Variants in B3GNT5 observed in about 807,000 individuals in gnomAD.
B3GNT5 encodes UDP-GlcNAc:betaGal beta-1,3-N-acetylglucosaminyltransferase 5, also known as lactosylceramide 1,3-N-acetyl-beta-D-glucosaminyltransferase.
B3GNT5 carries 11 observed loss-of-function variants against 25.9 expected under a neutral mutation model. The observed-to-expected ratio is 0.42, with a 90% CI of 0.27 to 0.70. B3GNT5 has a LOEUF of 0.70. B3GNT5 is among the 30% of genes least tolerant of loss of function. The pLI, the probability that B3GNT5 is intolerant of heterozygous loss-of-function variation, is 0.23. For synonymous variants in B3GNT5, 166 were observed against 158.6 expected, an observed-to-expected ratio of 1.05 and a Z score of -0.35; for missense variants, 385 against 458.4, an observed-to-expected ratio of 0.84 and a Z score of 1.46.
At chr3:183,261,228 G>A (rs1404497494) in intron 1 of B3GNT5, among the ~76,000 whole-genome samples, 1 of 152,120 alleles carries the variant, frequency 6.6e-6, no homozygotes, top group Non-Finnish European at 1.5e-5. Context: ...AGCTTTTCCA[G>A]TAAATCTGGG....
chr3:183,272,759 T>C lies in B3GNT5; in HGVS notation c.*1824T>C, dbSNP rs974801058. ...TAATTTTTATTAGTTGATTGATTAATGATGTATTGCCTTTTGCCCATATAT... is the reference window on the plus strand; with the variant it reads ...TAATTTTTATTAGTTGATTGATTAACGATGTATTGCCTTTTGCCCATATAT... On this transcript the variant is annotated 3_prime_UTR_variant, in exon 2 of 2. Transcript: ENST00000326505. The C allele has an allele frequency of 1.8e-5, 19 of 1,081,630 alleles. No individual in the cohort carries two copies. In the African/African-American group the frequency reaches 3.0e-4, roughly 17 times the overall value. The allele number at this position is 1,081,630 out of a possible 1,614,324, so 67.0% of individuals were successfully genotyped here. A position where few individuals can be genotyped will look rare whatever the true frequency, so the allele number is the denominator to read the frequency against.
chr3:183,272,850 C>A lies in B3GNT5; in HGVS notation c.*1915C>A, dbSNP rs1726901585. 1 of 1,252,696 alleles carries A rather than the reference C, an allele frequency of 8.0e-7. No homozygotes were observed. Among genetic ancestry groups the A allele is most frequent in the African/African-American group, 1.6e-5 (1 of 63,796 alleles). 77.6% of individuals were successfully genotyped at this position (1,252,696 alleles called of 1,614,324 possible). A position where few individuals can be genotyped will look rare whatever the true frequency, so the allele number is the denominator to read the frequency against. ...TGGTTGAAAACATAAGTGTCTCTGG[C>A]CATCAAAGTGATCTTGTTTACAGCA... On this transcript the variant is annotated 3_prime_UTR_variant, in exon 2 of 2. Coordinates refer to ENST00000326505, the MANE Select transcript of B3GNT5 (RefSeq NM_032047.5).
chr3:183,262,741 G>A (rs1045834898), intron 1 of B3GNT5, among the ~76,000 whole-genome samples: 1 of 151,626 alleles, frequency 6.6e-6, no homozygotes, highest in African/African-American at 2.4e-5. Context: ...GCCTGGGAGG[G>A]GGAGATTTAG....
intron 1 of B3GNT5, among the ~76,000 whole-genome samples, chr3:183,262,071 A>T (rs1725647315): frequency 6.7e-6 from 1 of 148,240 alleles, no homozygotes; most frequent in Non-Finnish European, 1.5e-5. Flanking sequence ...CATATATATT[A>T]TATATATATA....
intron 1 of B3GNT5, among the ~76,000 whole-genome samples, chr3:183,260,640 AT>A (rs1348748791): frequency 2.0e-5 from 3 of 152,104 alleles, no homozygotes; most frequent in African/African-American, 7.2e-5. Flanking sequence ...GTCTTTACCC[AT>A]TTGTTCATTT....
chr3:183,270,908 A>G lies in B3GNT5; in HGVS notation c.1110A>G (p.Thr370=), dbSNP rs773450048. 6.2e-7 allele frequency: 1 copy of G among 1,601,016 alleles called. No homozygotes were observed. The highest frequency in any genetic ancestry group is 1.1e-5 in the South Asian group (1 of 88,406). The part of the protein sequence containing the change: ...ILLCKISYVD[T]YPCRAAFI ...TTTGTAAAATTAGCTATGTGGACACATACCCTTGTAGGGCTGCGTTTATCT... is the reference window on the plus strand; with the variant it reads ...TTTGTAAAATTAGCTATGTGGACACGTACCCTTGTAGGGCTGCGTTTATCT... Residue 370 remains threonine (T), a synonymous_variant, in exon 2 of 2, where the codon ACA becomes ACG. Transcript: ENST00000326505. The surrounding 1 kb of genome is among the most constrained non-coding windows in gnomAD (Gnocchi z 4.5).
Position 183,272,814 on chromosome 3 carries a change from A to G in B3GNT5, c.*1879A>G, listed in dbSNP as rs1726897567. 8.3e-6 allele frequency: 10 copies of G among 1,206,374 alleles called. No homozygotes were observed. The highest frequency in any genetic ancestry group is 9.4e-6 in the Non-Finnish European group (9 of 959,358). The allele number at this position is 1,206,374 out of a possible 1,614,324, so 74.7% of individuals were successfully genotyped here. ...TGTGTATCTATACTTGGAAGTGTTT[A>G]AGGTTGCCATTGGTTGAAAACATAA... On this transcript the variant is annotated 3_prime_UTR_variant, in exon 2 of 2. Coordinates refer to ENST00000326505, the MANE Select transcript of B3GNT5 (RefSeq NM_032047.5).
At position 183,271,792 on chromosome 3, in the gene B3GNT5, T is replaced by C. The variant is rs1726805683; in HGVS notation, c.*857T>C. 1 of 166,994 alleles carries C rather than the reference T, an allele frequency of 6.0e-6. No individual in the cohort carries two copies. The highest frequency in any genetic ancestry group is 2.1e-4 in the South Asian group (1 of 4,830). 10.3% of individuals were successfully genotyped at this position (166,994 alleles called of 1,614,324 possible). A position where few individuals can be genotyped will look rare whatever the true frequency, so the allele number is the denominator to read the frequency against. Reference sequence around the variant, plus strand: ...ATTGGTCTGTGTTTAAGTTTGTTATTTGAATGTAATTTACATAGAGGAATA... The same window carrying C: ...ATTGGTCTGTGTTTAAGTTTGTTATCTGAATGTAATTTACATAGAGGAATA... On this transcript the variant is annotated 3_prime_UTR_variant, in exon 2 of 2. Coordinates refer to ENST00000326505, the MANE Select transcript of B3GNT5 (RefSeq NM_032047.5).
chr3:183,268,339 G>A (rs969208111), intron 1 of B3GNT5, among the ~76,000 whole-genome samples: 3 of 152,188 alleles, frequency 2.0e-5, no homozygotes, highest in Non-Finnish European at 4.4e-5. Flanking sequence ...AGTTTGTCTC[G>A]TGGTTAAATC....
intron 1 of B3GNT5, among the ~76,000 whole-genome samples, chr3:183,259,248 C>T (rs138649965): frequency 7.4e-4 from 113 of 152,204 alleles, no homozygotes; most frequent in African/African-American, 1.7e-3. Flanking sequence ...CTTGAGTGAA[C>T]GTTGTTCTTC....
intron 1 of B3GNT5, among the ~76,000 whole-genome samples, chr3:183,264,117 C>T (rs1041488443): frequency 1.3e-5 from 2 of 152,194 alleles, no homozygotes; most frequent in Non-Finnish European, 2.9e-5. Flanking sequence ...CCAGAAATTT[C>T]TATGACTTCC....
rs183438032 is a variant in B3GNT5, at chr3:183,273,067, G to T, written c.*2132G>T. 2 of 1,469,464 alleles carry T rather than the reference G, an allele frequency of 1.4e-6. No individual in the cohort carries two copies. The highest frequency in any genetic ancestry group is 2.5e-5 in the Admixed American group (1 of 40,450). 91.0% of individuals were successfully genotyped at this position (1,469,464 alleles called of 1,614,324 possible). A position where few individuals can be genotyped will look rare whatever the true frequency, so the allele number is the denominator to read the frequency against. ...ACTTAAAGTACTGAGAAGAGTATCT[G>T]TAAATAAAAGGGTTCCAACCTTTTA... is the stretch of plus-strand genomic sequence containing the variant. On this transcript the variant is annotated 3_prime_UTR_variant, in exon 2 of 2. Transcript: ENST00000326505.
chr3:183,255,514 G>C (rs11916629), intron 1 of B3GNT5, among the ~76,000 whole-genome samples: 7,480 of 152,216 alleles, frequency 0.049, 276 homozygotes, highest in African/African-American at 0.088. Context: ...CTGAGGAGGA[G>C]GCTGACTCAG....
intron 1 of B3GNT5, among the ~76,000 whole-genome samples, chr3:183,256,425 G>A (rs530743106): frequency 6.6e-6 from 1 of 151,322 alleles, no homozygotes; most frequent in East Asian, 1.9e-4. Context: ...TAAGAAACTT[G>A]ATCAGGTGAG....
At chr3:183,258,946 A>G (rs1725333834) in intron 1 of B3GNT5, among the ~76,000 whole-genome samples, 1 of 152,228 alleles carries the variant, frequency 6.6e-6, no homozygotes, top group African/African-American at 2.4e-5. Flanking sequence ...TATAAATGCT[A>G]TGTAAACAAT....
intron 1 of B3GNT5, among the ~76,000 whole-genome samples, chr3:183,257,958 CTTTTTTTTTTT>C (rs35323502): frequency 7.9e-4 from 51 of 64,744 alleles, no homozygotes; most frequent in African/African-American, 3.4e-3. Flanking sequence ...CCACTTCACC[CTTTTTTTTTTT>C]TTTTTTTTTT....
rs1726294488 is a variant in B3GNT5 at position 183,267,691 on chromosome 3, G to GA, written c.-301-1807_-301-1806insA. On this transcript the variant is annotated intron_variant, in intron 1 of 1. Transcript: ENST00000326505. The surrounding 1 kb of genome is among the most constrained non-coding windows in gnomAD (Gnocchi z 5.5). ...GAAGAGAGCCTACCTTTCCATCCAA[G>GA]GAAGTGTTTTACCTGTGGTAAGCAC... is the stretch of plus-strand genomic sequence containing the variant. Among the ~76,000 whole-genome samples, 1 of 152,216 alleles carries GA rather than the reference G, an allele frequency of 6.6e-6. No individual in the cohort carries two copies. The highest frequency in any genetic ancestry group is 2.4e-5 in the African/African-American group (1 of 41,456).
Position 183,269,840 on chromosome 3 carries a change from G to A in B3GNT5, c.42G>A (p.Gln14=), listed in dbSNP as rs1407021954. The change falls in exon 2 of 2, where the codon CAG becomes CAA. Residue 14 remains glutamine (Q), a synonymous_variant. Coordinates refer to ENST00000326505, the MANE Select transcript of B3GNT5 (RefSeq NM_032047.5). ...LVSGRRVKKW[Q]LIIQLFATCF... ...GTGGCAGAAGAGTCAAAAAATGGCA[G>A]TTAATTATTCAGTTATTTGCTACTT... 6.2e-7 allele frequency: 1 copy of A among 1,612,324 alleles called. No individual in the cohort carries two copies. Among genetic ancestry groups the A allele is most frequent in the East Asian group, 2.2e-5 (1 of 44,888 alleles).
intron 1 of B3GNT5, chr3:183,265,412 TG>T (rs1056685052): frequency 6.6e-6 from 1 of 152,366 alleles, no homozygotes; most frequent in African/African-American, 2.4e-5. Context: ...GGCAGGCTTG[TG>T]GGCTTCTTCC....
Sources: allele counts gnomAD v4.1 joint callset (sites outside exome capture counted in the v4.1 genomes callset), GRCh38; gene constraint gnomAD v4.1.1; non-coding constraint Gnocchi (gnomAD v3.1); transcripts MANE v1.5; gene names NCBI Gene and HGNC (gene_info 2026-07-23, HGNC 2026-07-21).